The following OXR1 variants were observed in gnomAD, a reference collection of about 807,000 sequenced individuals.
OXR1 encodes oxidation resistance protein 1.
Under a neutral mutation model 104.6 loss-of-function variants are expected in OXR1, and 41 were observed. The ratio of observed to expected loss-of-function variants is 0.39; its 90% confidence interval spans 0.31 to 0.51. OXR1 has a LOEUF of 0.51. Among genes scored for constraint, OXR1 ranks in the 20% least tolerant of loss-of-function variants. OXR1 has a pLI of 0.77. For synonymous variants in OXR1, 348 were observed against 348.4 expected (o/e 1.00, Z 0.01); for missense variants, 955 against 1,031.9 (o/e 0.93, Z 1.02).
chr8:106,498,559 G>A (rs1216519305), intron 2 of OXR1, among the ~76,000 whole-genome samples: 3 of 152,146 alleles, frequency 2.0e-5, no homozygotes, highest in Non-Finnish European at 2.9e-5. Context: ...TTTTATTTAA[G>A]AGACTTTAAT....
chr8:106,746,117 T>C (rs904975161), intron 16 of OXR1, among the ~76,000 whole-genome samples: 1 of 152,228 alleles, frequency 6.6e-6, no homozygotes, highest in Non-Finnish European at 1.5e-5. Context: ...TCTTTTTCTT[T>C]AGAGCACAGT....
intron 1 of OXR1, among the ~76,000 whole-genome samples, chr8:106,301,242 T>A (rs1442493672): frequency 6.6e-6 from 1 of 152,202 alleles, no homozygotes; most frequent in Non-Finnish European, 1.5e-5. Context: ...TGCAGTCACT[T>A]TATATTTCAG....
intron 3 of OXR1, among the ~76,000 whole-genome samples, chr8:106,558,724 C>T (rs60724723): frequency 0.019 from 2,844 of 152,192 alleles, 89 homozygotes; most frequent in African/African-American, 0.064. Context: ...AAAATCTTTT[C>T]CAAAATCATA....
At position 106,739,448 on chromosome 8, in the gene OXR1, A is replaced by G. The variant is rs1216040907; in HGVS notation, c.2038-10A>G. On this transcript the variant is annotated splice_polypyrimidine_tract_variant and intron_variant, in intron 12 of 16. Transcript: ENST00000517566. Reference sequence around the variant, plus strand: ...TTACATTAATGCACTACCTCTATTTACTGTTTTAGATTACTACAAGGGAAG... The same window carrying G: ...TTACATTAATGCACTACCTCTATTTGCTGTTTTAGATTACTACAAGGGAAG... 3 of 1,609,034 alleles carry G rather than the reference A, an allele frequency of 1.9e-6. No individual in the cohort carries two copies. The highest frequency in any genetic ancestry group is 2.2e-5 in the South Asian group (2 of 90,740).
At chr8:106,713,684 AC>A in intron 10 of OXR1, 138 bp from the exon 11 acceptor site, 2 of 486,502 alleles carry the variant, frequency 4.1e-6, no homozygotes, top group Middle Eastern at 5.2e-4. Context: ...CTGATAGTAG[AC>A]CTTTTATATT....
At chr8:106,530,200 G>T (rs1271947929) in intron 3 of OXR1, among the ~76,000 whole-genome samples, 3 of 152,082 alleles carry the variant, frequency 2.0e-5, no homozygotes, top group African/African-American at 7.2e-5. Flanking sequence ...GAGCTTCTAG[G>T]ATCTTGCTCA....
At chr8:106,565,860 A>C (rs1008885047) in intron 3 of OXR1, among the ~76,000 whole-genome samples, 13 of 152,156 alleles carry the variant, frequency 8.5e-5, no homozygotes, top group Non-Finnish European at 2.9e-5. Flanking sequence ...CCTGACAAAA[A>C]CAAGCAATAG....
intron 3 of OXR1, among the ~76,000 whole-genome samples, chr8:106,593,296 T>A (rs1819247252): frequency 6.6e-6 from 1 of 152,188 alleles, no homozygotes; most frequent in Non-Finnish European, 1.5e-5. Flanking sequence ...CTAACCAAAC[T>A]GAGCTCCCTG....
At chr8:106,518,538 C>G (rs1813020612) in intron 2 of OXR1, among the ~76,000 whole-genome samples, 1 of 152,122 alleles carries the variant, frequency 6.6e-6, no homozygotes. Flanking sequence ...CTGGCAGCCT[C>G]TGATTAAAAA....
At chr8:106,623,827 G>A (rs1374480030) in intron 3 of OXR1, among the ~76,000 whole-genome samples, 1 of 152,192 alleles carries the variant, frequency 6.6e-6, no homozygotes, top group Non-Finnish European at 1.5e-5. Flanking sequence ...AGGCTGTGTT[G>A]AATTTAACTT....
intron 2 of OXR1, among the ~76,000 whole-genome samples, chr8:106,385,971 G>T (rs1817354315): frequency 6.6e-6 from 1 of 152,096 alleles, no homozygotes; most frequent in Non-Finnish European, 1.5e-5. Context: ...TCTAAGCCTT[G>T]GAATGTGTGA....
intron 2 of OXR1, among the ~76,000 whole-genome samples, chr8:106,381,567 C>T (rs905348016): frequency 1.3e-5 from 2 of 152,064 alleles, no homozygotes; most frequent in Non-Finnish European, 2.9e-5. Context: ...TCTTAGAGTT[C>T]CTGAACCTTG....
chr8:106,665,052 G>A (rs928712096), intron 3 of OXR1, among the ~76,000 whole-genome samples: 8 of 152,134 alleles, frequency 5.3e-5, no homozygotes, highest in Non-Finnish European at 1.0e-4. Context: ...TGTGAACTAT[G>A]CAAACATTAA....
intron 2 of OXR1, among the ~76,000 whole-genome samples, chr8:106,422,566 A>C (rs1382237503): frequency 6.6e-6 from 1 of 152,180 alleles, no homozygotes; most frequent in Non-Finnish European, 1.5e-5. Flanking sequence ...TCTTCACTTT[A>C]ATCACATTTA....
intron 3 of OXR1, among the ~76,000 whole-genome samples, chr8:106,665,698 A>T (rs1826234111): frequency 6.6e-6 from 1 of 152,206 alleles, no homozygotes; most frequent in African/African-American, 2.4e-5. Context: ...GGCTTATTTC[A>T]TGGCCACTAG....
chr8:106,678,278 A>G (rs1428096933), intron 3 of OXR1, among the ~76,000 whole-genome samples: 1 of 152,038 alleles, frequency 6.6e-6, no homozygotes, highest in Non-Finnish European at 1.5e-5. Context: ...AATGCCATTT[A>G]AGTTTAGATA....
chr8:106,397,581 GAAAT>G (rs1211703758), intron 2 of OXR1, among the ~76,000 whole-genome samples: 5 of 151,648 alleles, frequency 3.3e-5, no homozygotes, highest in African/African-American at 9.7e-5. Context: ...GAATTTTGAT[GAAAT>G]AAATAAAGTA....
intron 3 of OXR1, chr8:106,655,984 C>CATTA: frequency 6.6e-6 from 1 of 152,024 alleles, no homozygotes. Flanking sequence ...AAATCTCAAG[C>CATTA]ATTAATTGGA....
Position 106,319,777 on chromosome 8 carries a change from A to G in OXR1, c.-138-39699A>G, listed in dbSNP as rs538249509. ...GCAGGAGGAATAAAGGCGATTCTTT[A>G]TTTTTCATACTGTGGGCACTTCTGT... On this transcript the variant is annotated intron_variant, in intron 1 of 16. Coordinates refer to ENST00000517566, the MANE Select transcript of OXR1 (RefSeq NM_001198533.2). Among the ~76,000 whole-genome samples, 22 of 152,252 alleles carry G rather than the reference A, an allele frequency of 1.4e-4. 1 individual carries two copies. The highest frequency in any genetic ancestry group is 9.8e-4 in the Admixed American group (15 of 15,286).
Sources: allele counts gnomAD v4.1 joint callset (sites outside exome capture counted in the v4.1 genomes callset), GRCh38; gene constraint gnomAD v4.1.1; transcripts MANE v1.5; gene names NCBI Gene and HGNC (gene_info 2026-07-23, HGNC 2026-07-21).